Variants in TRPM4 observed in about 807,000 individuals in gnomAD.
TRPM4 encodes calcium-activated non-selective cation channel 1.
TRPM4 carries 124 observed loss-of-function variants against 135.6 expected under a neutral mutation model. The observed-to-expected ratio is 0.91, with a 90% CI of 0.79 to 1.06. TRPM4 has a LOEUF of 1.06. Ranked by LOEUF, TRPM4 falls within the 50% of genes least tolerant of loss-of-function variation. The pLI, the probability that TRPM4 is intolerant of heterozygous loss-of-function variation, is 0.00. For missense variants in TRPM4, 1,658 were observed against 1,671.4 expected, an observed-to-expected ratio of 0.99 and a Z score of 0.14; for synonymous variants, 745 against 705.6, an observed-to-expected ratio of 1.06 and a Z score of -0.88.
chr19:49,208,375 G>A (rs1969228234), intron 20 of TRPM4, among the ~76,000 whole-genome samples: 2 of 152,024 alleles, frequency 1.3e-5, no homozygotes, highest in African/African-American at 2.4e-5. Flanking sequence ...AGTAGTGGGT[G>A]CTTTTCCTTG....
At chr19:49,203,230 A>C (rs892562681) in intron 20 of TRPM4, among the ~76,000 whole-genome samples, 1 of 149,160 alleles carries the variant, frequency 6.7e-6, no homozygotes, top group Non-Finnish European at 1.5e-5. Context: ...CCCAGGCTGG[A>C]GTGCAATGGT....
chr19:49,171,703 A>G lies in TRPM4; in HGVS notation c.984A>G (p.Gln328=), dbSNP rs752367612. 9 of 1,613,820 alleles carry G rather than the reference A, an allele frequency of 5.6e-6. No homozygotes were observed. The highest frequency in any genetic ancestry group is 8.5e-7 in the Non-Finnish European group (1 of 1,179,992). Residue 328 remains glutamine, a synonymous_variant, in exon 8 of 25, where the codon CAA becomes CAG. Transcript: ENST00000252826. The surrounding 1 kb of genome is among the most constrained non-coding windows in gnomAD (Gnocchi z 4.7). ...CCCCAGGGAGTGGGGGAGCCAGGCA[A>G]GGCGAAGCCCGAGATCGAATCAGGC... ...TLAPGSGGAR[Q]GEARDRIRRF...
In TRPM4 at chr19:49,211,023, T is replaced by C. The variant is rs774903698; in HGVS notation, c.3470T>C (p.Leu1157Ser). 1 of 1,613,920 alleles carries C rather than the reference T, an allele frequency of 6.2e-7. No individual in the cohort carries two copies. Among genetic ancestry groups the C allele is most frequent in the Admixed American group, 1.7e-5 (1 of 60,012 alleles). ...AGGCCCTCCCTTCTCAGGGTGGACT[T>C]GGCACTGAAACAGCTGGGACACATC... is the stretch of plus-strand genomic sequence containing the variant. Reference protein sequence around the residue: ...RLKRTSQKVDLALKQLGHIRE... With the variant: ...RLKRTSQKVDSALKQLGHIRE... Residue 1157 changes from leucine to serine, a missense_variant, in exon 23 of 25, where the codon TTG becomes TCG. Physicochemically the swap from Leu to Ser is moderately radical, Grantham distance 145. Coordinates refer to ENST00000252826, the MANE Select transcript of TRPM4 (RefSeq NM_017636.4). This position sits in a 1 kb window ranked among gnomAD's most constrained non-coding sequence, Gnocchi z 4.8.
chr19:49,190,419 G>C, intron 15 of TRPM4, 99 bp downstream of exon 15: 1 of 1,122,348 alleles, frequency 8.9e-7, no homozygotes, highest in South Asian at 1.3e-5. Context: ...TCGGCCCATT[G>C]TGTCCCTTCC....
At position 49,190,286 on chromosome 19, in the gene TRPM4, C is replaced by A. The variant is rs555253063; in HGVS notation, c.2098C>A (p.Pro700Thr). ...GGCCCTGGTTCTCGCCTTCTTTTGC[C>A]CTCCACTCATCTACACCCGCCTCAT... ...IWALVLAFFC[P>T]PLIYTRLITF... Residue 700 changes from proline (P) to threonine (T), a missense_variant, in exon 15 of 25, where the codon CCT becomes ACT. Pro to Thr is a conservative substitution (Grantham distance 38, BLOSUM62 -1). Around this residue, in one of 3 missense-constraint regions of TRPM4, gnomAD observed 1,412 missense variants for 1,408.7 expected, o/e 1.00. Coordinates refer to ENST00000252826, the MANE Select transcript of TRPM4 (RefSeq NM_017636.4). 179 of 1,613,952 alleles carry A rather than the reference C, an allele frequency of 1.1e-4. No individual in the cohort carries two copies. In the South Asian group the frequency reaches 1.9e-3, roughly 17 times the overall value.
chr19:49,167,588 G>C, intron 3 of TRPM4: 1 of 286,752 alleles, frequency 3.5e-6, no homozygotes, highest in Non-Finnish European at 6.3e-6. Context: ...TCTCTCTCTG[G>C]GTCTCTGTCC....
rs887318349 is a variant in TRPM4 at position 49,157,829 on chromosome 19, G to C, written c.-38G>C. 9 of 1,533,864 alleles carry C rather than the reference G, an allele frequency of 5.9e-6. No homozygotes were observed. The highest frequency in any genetic ancestry group is 7.9e-6 in the Non-Finnish European group (9 of 1,145,842). On this transcript the variant is annotated 5_prime_UTR_variant, in exon 1 of 25. Coordinates refer to ENST00000252826, the MANE Select transcript of TRPM4 (RefSeq NM_017636.4). Reference sequence around the variant, plus strand: ...GCAGAGCCGGCGGAGGGAGCGCCGGGGCCCTGGGCTGCAGGAGGTTGCGGC... The same window carrying C: ...GCAGAGCCGGCGGAGGGAGCGCCGGCGCCCTGGGCTGCAGGAGGTTGCGGC...
chr19:49,171,872 G>A lies in TRPM4; in HGVS notation c.1050+103G>A, dbSNP rs560956030. 1.2e-5 allele frequency: 17 copies of A among 1,433,296 alleles called. No homozygotes were observed. Among genetic ancestry groups the A allele is most frequent in the Non-Finnish European group, 1.6e-5 (16 of 1,029,298 alleles). The allele number at this position is 1,433,296 out of a possible 1,614,324, so 88.8% of individuals were successfully genotyped here. Reference sequence around the variant, plus strand: ...AGGGGCTGGGGGCCTGGACTTCCAGGTTCCGGGAGAAGAGGGTGCTGGGCA... The same window carrying A: ...AGGGGCTGGGGGCCTGGACTTCCAGATTCCGGGAGAAGAGGGTGCTGGGCA... On this transcript the variant is annotated intron_variant, in intron 8 of 24. Coordinates refer to ENST00000252826, the MANE Select transcript of TRPM4 (RefSeq NM_017636.4). The surrounding 1 kb of genome is among the most constrained non-coding windows in gnomAD (Gnocchi z 4.7).
rs957097410 is a variant in TRPM4 at position 49,211,644 on chromosome 19, T to G, written c.*146T>G. 1 of 1,031,662 alleles carries G rather than the reference T, an allele frequency of 9.7e-7. No individual in the cohort carries two copies. Among genetic ancestry groups the G allele is most frequent in the Admixed American group, 1.7e-5 (1 of 58,118 alleles). The allele number at this position is 1,031,662 out of a possible 1,614,324, so 63.9% of individuals were successfully genotyped here. The stretch of plus-strand genomic sequence containing the variant: ...TCTGGGCCACTGTCAGGACCACCTT[T>G]GGGAGTGTCATCCTTACAAACCACA... On this transcript the variant is annotated 3_prime_UTR_variant, in exon 25 of 25. Coordinates refer to ENST00000252826, the MANE Select transcript of TRPM4 (RefSeq NM_017636.4). This position sits in a 1 kb window ranked among gnomAD's most constrained non-coding sequence, Gnocchi z 4.8.
chr19:49,172,824 A>G lies in TRPM4; in HGVS notation c.1150+716A>G, dbSNP rs567402111. Among the ~76,000 whole-genome samples the G allele has an allele frequency of 2.6e-3, 341 of 129,692 alleles. 3 individuals are homozygous for G. The highest frequency in any genetic ancestry group is 4.0e-3 in the Non-Finnish European group (243 of 60,390). 85.1% of individuals were successfully genotyped at this position (129,692 alleles called of 152,430 possible). A position where few individuals can be genotyped will look rare whatever the true frequency, so the allele number is the denominator to read the frequency against. ...TCCACTGACAATTCCTGAGAATGCC[A>G]TCCGCTCATTCCTCCATCCGTCTTC... On this transcript the variant is annotated intron_variant, in intron 9 of 24. Transcript: ENST00000252826.
rs755290651 is a variant in TRPM4 at position 49,196,422 on chromosome 19, T to TCTTC, written c.2211-17_2211-14dup. ...GGTCAGAGTGAGGCCTCCTCCCTTCTCTTCTCTTCCCCCACAGGACGGCGG... is the reference window on the plus strand; with the variant it reads ...GGTCAGAGTGAGGCCTCCTCCCTTCTCTTCCTTCTCTTCCCCCACAGGACGGCGG... On this transcript the variant is annotated splice_polypyrimidine_tract_variant and intron_variant, in intron 16 of 24. Coordinates refer to ENST00000252826, the MANE Select transcript of TRPM4 (RefSeq NM_017636.4). The TCTTC allele has an allele frequency of 6.6e-7, 1 of 1,526,090 alleles. No homozygotes were observed. The highest frequency in any genetic ancestry group is 8.8e-7 in the Non-Finnish European group (1 of 1,139,386). The allele number at this position is 1,526,090 out of a possible 1,614,324, so 94.5% of individuals were successfully genotyped here. A position where few individuals can be genotyped will look rare whatever the true frequency, so the allele number is the denominator to read the frequency against.
In TRPM4 at chr19:49,189,030, C is replaced by G. The variant is rs1054242340; in HGVS notation, c.1958C>G (p.Thr653Ser). The G allele has an allele frequency of 3.1e-6, 5 of 1,614,096 alleles. No individual in the cohort carries two copies. The African/African-American group carries it at 6.7e-5, about 22-fold the overall frequency. The stretch of plus-strand genomic sequence containing the variant: ...CGCTGCCCGCTCTGGGGGGATGCCA[C>G]TTGCCTCCAGCTGGCCATGCAAGCT... ...LRRCPLWGDA[T>S]CLQLAMQADA... is the part of the protein sequence containing the mutation. The change falls in exon 14 of 25, where the codon ACT (threonine) becomes AGT (serine). Residue 653 changes from threonine to serine, a missense_variant. Thr to Ser is a moderately conservative substitution (Grantham distance 58). This residue lies in a region of TRPM4 where 1,412 missense variants were observed against 1,408.7 expected (regional missense o/e 1.00). Transcript: ENST00000252826.
chr19:49,170,689 T>C (rs1352362126), intron 6 of TRPM4, among the ~76,000 whole-genome samples: 1 of 152,140 alleles, frequency 6.6e-6, no homozygotes, highest in African/African-American at 2.4e-5. Context: ...ACCTGCCTCA[T>C]TCAGGGACTC....
chr19:49,170,436 G>T (rs982387757), intron 6 of TRPM4, among the ~76,000 whole-genome samples: 1 of 152,010 alleles, frequency 6.6e-6, no homozygotes, highest in African/African-American at 2.4e-5. Flanking sequence ...TGATCCACCC[G>T]CCTCGGCCTC....
At chr19:49,192,166 C>T (rs913575526) in intron 16 of TRPM4, among the ~76,000 whole-genome samples, 3 of 152,100 alleles carry the variant, frequency 2.0e-5, no homozygotes, top group Non-Finnish European at 4.4e-5. Flanking sequence ...GTTTTTGAGG[C>T]GGAGTCTTGC....
intron 9 of TRPM4, among the ~76,000 whole-genome samples, chr19:49,176,858 A>T (rs1967714407): frequency 6.6e-6 from 1 of 152,078 alleles, no homozygotes. Context: ...CTCAAAAACA[A>T]ACAATCAAAA....
intron 20 of TRPM4, among the ~76,000 whole-genome samples, chr19:49,206,792 G>A (rs1476381705): frequency 1.3e-5 from 2 of 152,206 alleles, no homozygotes; most frequent in African/African-American, 2.4e-5. Context: ...GCTTCGGGTA[G>A]TATTGATATT....
intron 2 of TRPM4, among the ~76,000 whole-genome samples, chr19:49,161,308 C>T (rs1204847362): frequency 7.0e-6 from 1 of 143,690 alleles, no homozygotes; most frequent in East Asian, 2.0e-4. Context: ...AAATATCTGT[C>T]TTCTGTCTCT....
intron 13 of TRPM4, 61 bp from the exon 14 acceptor site, chr19:49,188,885 C>T: frequency 6.2e-7 from 1 of 1,613,378 alleles, no homozygotes; most frequent in Non-Finnish European, 8.5e-7. Context: ...CTTACCTCTC[C>T]CTTCACACCC....
Sources: allele counts gnomAD v4.1 joint callset (sites outside exome capture counted in the v4.1 genomes callset), GRCh38; gene constraint gnomAD v4.1.1; regional missense constraint gnomAD v4.1.1; non-coding constraint Gnocchi (gnomAD v3.1); transcripts MANE v1.5; gene names NCBI Gene and HGNC (gene_info 2026-07-23, HGNC 2026-07-21).